SCNN1D: variants seen among roughly 807,000 people sequenced by gnomAD.
SCNN1D encodes the protein sodium channel epithelial 1 subunit delta.
A neutral mutation model predicts 87.8 loss-of-function variants in SCNN1D; 104 were observed. The ratio of observed to expected loss-of-function variants is 1.18; its 90% CI spans 1.01 to 1.39. SCNN1D has a LOEUF of 1.39. Ranked by LOEUF, SCNN1D falls within the 40% of genes most tolerant of loss-of-function variation. The probability of loss-of-function intolerance (pLI) is 0.00; values close to 1 mark genes in which losing one functional copy is unlikely to be tolerated. For missense variants in SCNN1D, 1,324 were observed against 1,093.9 expected (o/e 1.21, Z -2.97); for synonymous variants, 628 against 481.2 (o/e 1.31, Z -3.99).
Position 1,286,252 on chromosome 1 carries a change from C to T in SCNN1D, c.885C>T (p.Val295=). ...VHSERKLLPL[V]TLCDGNPRRP... is the part of the protein sequence containing the mutation. The stretch of plus-strand genomic sequence containing the variant: ...CGGAGCGCAAGCTGCTCCCGCTGGT[C>T]ACCCTGTGTGACGGGAACCCACGTC... The change falls in exon 7 of 18, where the codon GTC becomes GTT. Residue 295 remains valine, a synonymous_variant. Transcript: ENST00000379116. 6 of 1,590,412 alleles carry T rather than the reference C, an allele frequency of 3.8e-6. No individual in the cohort carries two copies. Among genetic ancestry groups the T allele is most frequent in the Non-Finnish European group, 5.1e-6 (6 of 1,173,662 alleles).
At chr1:1,290,228 C>T (rs750957450) in intron 12 of SCNN1D, 43 bp from the exon 13 acceptor site, 2 of 1,444,590 alleles carry the variant, frequency 1.4e-6, no homozygotes, top group Non-Finnish European at 1.9e-6. Flanking sequence ...TCCCCCATGT[C>T]TCCGCTCCAT....
In SCNN1D at chr1:1,286,888, C is replaced by T. The variant is rs1640604148; in HGVS notation, c.1032C>T (p.Arg344=). The T allele has an allele frequency of 6.2e-7, 1 of 1,612,622 alleles. No individual in the cohort carries two copies. Among genetic ancestry groups the T allele is most frequent in the South Asian group, 1.1e-5 (1 of 91,082 alleles). The change falls in exon 8 of 18, where the codon CGC becomes CGT. Residue 344 remains arginine (R), a synonymous_variant. Transcript: ENST00000379116. ...CCGCCCTCTCCGCCACTGTCCCCCG[C>T]CACGAGCCCCCCTTCCACCTGGACC... The part of the protein sequence containing the change: ...GRAALSATVP[R]HEPPFHLDRE...
In SCNN1D at chr1:1,290,337, C is replaced by G; in HGVS notation, c.1729C>G (p.Pro577Ala). 6.3e-7 allele frequency: 1 copy of G among 1,596,404 alleles called. No homozygotes were observed. The highest frequency in any genetic ancestry group is 8.5e-7 in the Non-Finnish European group (1 of 1,169,856). Residue 577 changes from proline (P) to alanine (A), a missense_variant, in exon 13 of 18, where the codon CCT becomes GCT. By Grantham distance (27) the Pro-to-Ala change is conservative (BLOSUM62 -1). Coordinates refer to ENST00000379116, the MANE Select transcript of SCNN1D (RefSeq NM_001130413.4). ...ETCSCGYYLH[P>A]LPAGAEYCSS... ...CTGCTCCTGTGGCTACTACCTCCAC[C>G]CTCTGCCGGCGGGGGCTGAGTACTG...
chr1:1,291,701 C>A lies in SCNN1D; in HGVS notation c.*91C>A. ...CCCAGCGGCCCAGGGTGGGCCAGACCAGCAGCCCAGGAAGCAGCACACGCG... is the reference window on the plus strand; with the variant it reads ...CCCAGCGGCCCAGGGTGGGCCAGACAAGCAGCCCAGGAAGCAGCACACGCG... On this transcript the variant is annotated 3_prime_UTR_variant, in exon 18 of 18. Transcript: ENST00000379116. 1 of 985,692 alleles carries A rather than the reference C, an allele frequency of 1.0e-6. No individual in the cohort carries two copies. The highest frequency in any genetic ancestry group is 2.7e-5 in the East Asian group (1 of 37,522). The allele number at this position is 985,692 out of a possible 1,614,324, so 61.1% of individuals were successfully genotyped here.
At chr1:1,291,175 GGCA>G (rs756029516) in intron 17 of SCNN1D, 35 bp downstream of exon 17, 209 of 1,602,858 alleles carry the variant, frequency 1.3e-4, no homozygotes, top group Non-Finnish European at 1.7e-4. Context: ...CTAGAGCGGG[GGCA>G]GCGACAGTGG....
At position 1,290,512 on chromosome 1, in the gene SCNN1D, A is replaced by G. The variant is rs1432931524; in HGVS notation, c.1816A>G (p.Thr606Ala). Residue 606 changes from threonine to alanine, a missense_variant, in exon 14 of 18, where the codon ACC becomes GCC. By Grantham distance (58) the Thr-to-Ala change is moderately conservative. Coordinates refer to ENST00000379116, the MANE Select transcript of SCNN1D (RefSeq NM_001130413.4). ...CTACCGCCTCTACCAGGACCTGGAG[A>G]CCCACCGGCTCCCCTGTACCTCCCG... Reference protein sequence around the residue: ...CFYRLYQDLETHRLPCTSRCP... With the variant: ...CFYRLYQDLEAHRLPCTSRCP... 1.2e-6 allele frequency: 2 copies of G among 1,612,256 alleles called. No homozygotes were observed. The highest frequency in any genetic ancestry group is 3.3e-5 in the Admixed American group (2 of 59,992).
rs1344027918 is a variant in SCNN1D at position 1,290,708 on chromosome 1, G to T, written c.1917+14G>T. 4 of 1,612,430 alleles carry T rather than the reference G, an allele frequency of 2.5e-6. No individual in the cohort carries two copies. In the South Asian group the frequency reaches 4.4e-5, roughly 18 times the overall value. ...GCCAAGTCAGCTGTGAGTCCCCAAA[G>T]TGGTGGGGTGGGGGTGTGGACAGCC... is the stretch of plus-strand genomic sequence containing the variant. On this transcript the variant is annotated intron_variant, in intron 15 of 17. Coordinates refer to ENST00000379116, the MANE Select transcript of SCNN1D (RefSeq NM_001130413.4).
Position 1,290,898 on chromosome 1 carries a change from T to G in SCNN1D, c.1921T>G (p.Trp641Gly). 1 of 1,610,158 alleles carries G rather than the reference T, an allele frequency of 6.2e-7. No individual in the cohort carries two copies. The change falls in exon 16 of 18, where the codon TGG (tryptophan) becomes GGG (glycine). Residue 641 changes from tryptophan (W) to glycine (G), a missense_variant. Physicochemically the swap from Trp to Gly is radical, Grantham distance 184. Transcript: ENST00000379116. ...ACAGCAAACCTTCCGTCTGCAGGGA[T>G]GGACTCTGGCCACGCTAGGTGAACA... ...SRWPSAKSAG[W>G]TLATLGEQGL...
chr1:1,280,848 C>T, intron 1 of SCNN1D, 182 bp downstream of exon 1: 1 of 595,178 alleles, frequency 1.7e-6, no homozygotes, highest in East Asian at 2.8e-5. Context: ...GGACACCGGC[C>T]AGACCCCAAG....
At chr1:1,284,406 G>A (rs1640542693) in intron 5 of SCNN1D, among the ~76,000 whole-genome samples, 1 of 151,410 alleles carries the variant, frequency 6.6e-6, no homozygotes, top group African/African-American at 2.4e-5. Flanking sequence ...CTGGCCCCGT[G>A]TGCCATCAGG....
intron 5 of SCNN1D, among the ~76,000 whole-genome samples, chr1:1,284,673 G>T (rs530369997): frequency 6.6e-6 from 1 of 152,026 alleles, no homozygotes; most frequent in Non-Finnish European, 1.5e-5. Context: ...GGTGCATAGC[G>T]TGTGCTGGAC....
chr1:1,291,582 C>A lies in SCNN1D; in HGVS notation c.2381C>A (p.Pro794His), dbSNP rs1640820618. 6.4e-7 allele frequency: 1 copy of A among 1,559,320 alleles called. No individual in the cohort carries two copies. Among genetic ancestry groups the A allele is most frequent in the Non-Finnish European group, 8.7e-7 (1 of 1,149,894 alleles). ...GVSAEESWAG[P>H]QPLETLDT The stretch of plus-strand genomic sequence containing the variant: ...TCAGCCGAAGAGAGCTGGGCTGGGC[C>A]CCAGCCCCTTGAGACTCTGGACACC... The change falls in exon 18 of 18, where the codon CCC becomes CAC. Residue 794 changes from proline (P) to histidine (H), a missense_variant. Physicochemically the swap from Pro to His is moderately conservative, Grantham distance 77. Transcript: ENST00000379116.
rs201384224 is a variant in SCNN1D at position 1,287,783 on chromosome 1, C to T, written c.1510C>T (p.His504Tyr). The change falls in exon 11 of 18, where the codon CAC becomes TAC. Residue 504 changes from histidine to tyrosine, a missense_variant. Transcript: ENST00000379116. ...HGRNHTPFLGHHSFSVRPGTE... is the reference protein window; with the variant it reads ...HGRNHTPFLGYHSFSVRPGTE... ...CCGTAACCACACGCCCTTCCTGGGG[C>T]ACCACAGCTTCAGCGTCCGGCCAGG... 5 of 1,593,962 alleles carry T rather than the reference C, an allele frequency of 3.1e-6. No individual in the cohort carries two copies. In the African/African-American group the frequency reaches 5.4e-5, roughly 17 times the overall value.
chr1:1,284,819 G>A (rs575777024), intron 5 of SCNN1D, among the ~76,000 whole-genome samples: 1 of 152,112 alleles, frequency 6.6e-6, no homozygotes, highest in African/African-American at 2.4e-5. Flanking sequence ...CGCACATGCA[G>A]GGTGGGGTCC....
intron 13 of SCNN1D, 23 bp downstream of exon 13, chr1:1,290,411 C>T (rs1455885421): frequency 1.9e-6 from 3 of 1,608,862 alleles, no homozygotes; most frequent in East Asian, 4.5e-5. Flanking sequence ...CGCTGCCTCC[C>T]ACTCTGTCAG....
chr1:1,289,961 CCGTCCCCCGTGTCTGCT>C (rs1640731593), intron 12 of SCNN1D, among the ~76,000 whole-genome samples: 1 of 56,856 alleles, frequency 1.8e-5, no homozygotes, highest in Non-Finnish European at 2.7e-5. Context: ...TGTCTCTGCT[CCGTCCCCCGTGTCTGCT>C]CCGTCCCGTG....
chr1:1,287,677 C>A lies in SCNN1D; in HGVS notation c.1404C>A (p.Val468=). ...CACCAGCCCTTGGCCTCCCAGGAGT[C>A]GGCCTGGTCCTCAGGGTTGAGCAGC... ...TAQRPGITHG[V]GLVLRVEQQP... is the part of the protein sequence containing the mutation. Residue 468 remains valine, a synonymous_variant, in exon 11 of 18, where the codon GTC becomes GTA. Transcript: ENST00000379116. 6.2e-7 allele frequency: 1 copy of A among 1,611,620 alleles called. No individual in the cohort carries two copies. Among genetic ancestry groups the A allele is most frequent in the South Asian group, 1.1e-5 (1 of 90,964 alleles).
chr1:1,291,309 C>G lies in SCNN1D; in HGVS notation c.2108C>G (p.Ser703Cys), dbSNP rs774220556. 1.3e-6 allele frequency: 2 copies of G among 1,587,596 alleles called. No individual in the cohort carries two copies. The highest frequency in any genetic ancestry group is 1.7e-6 in the Non-Finnish European group (2 of 1,168,966). ...GSLCSLWFGA[S>C]VLSLLELLEL... ...CTCTGCAGCCTGTGGTTTGGGGCCT[C>G]CGTCCTCTCCCTCCTGGAGCTCCTG... is the stretch of plus-strand genomic sequence containing the variant. The change falls in exon 18 of 18, where the codon TCC (serine) becomes TGC (cysteine). Residue 703 changes from serine (S) to cysteine (C), a missense_variant. Physicochemically the swap from Ser to Cys is moderately radical, Grantham distance 112 (BLOSUM62 -1). Coordinates refer to ENST00000379116, the MANE Select transcript of SCNN1D (RefSeq NM_001130413.4).
At position 1,288,018 on chromosome 1, in the gene SCNN1D, A is replaced by G. The variant is rs1455633256; in HGVS notation, c.1643A>G (p.Asn548Ser). The change falls in exon 12 of 18, where the codon AAC (asparagine) becomes AGC (serine). Residue 548 changes from asparagine to serine, a missense_variant. Physicochemically the swap from Asn to Ser is conservative, Grantham distance 46. Coordinates refer to ENST00000379116, the MANE Select transcript of SCNN1D (RefSeq NM_001130413.4). ...GEGVEVELLH[N>S]TSYTRQACLV... ...GGCGTGGAGGTGGAGCTGCTACACAACACCTCCTACACCAGGCAGGTGAGG... is the reference window on the plus strand; with the variant it reads ...GGCGTGGAGGTGGAGCTGCTACACAGCACCTCCTACACCAGGCAGGTGAGG... 1.3e-6 allele frequency: 2 copies of G among 1,498,720 alleles called. No homozygotes were observed. Among genetic ancestry groups the G allele is most frequent in the East Asian group, 2.6e-5 (1 of 38,294 alleles). 92.8% of individuals were successfully genotyped at this position (1,498,720 alleles called of 1,614,324 possible). A position where few individuals can be genotyped will look rare whatever the true frequency, so the allele number is the denominator to read the frequency against.
Sources: allele counts gnomAD v4.1 joint callset (sites outside exome capture counted in the v4.1 genomes callset), GRCh38; gene constraint gnomAD v4.1.1; transcripts MANE v1.5; gene names NCBI Gene and HGNC (gene_info 2026-07-23, HGNC 2026-07-21).